RYR1: variants seen among roughly 807,000 people sequenced by gnomAD.
RYR1 encodes central core disease of muscle.
Under a neutral mutation model 583.5 loss-of-function variants are expected in RYR1, and 342 were observed. The ratio of observed to expected loss-of-function variants is 0.59; its 90% confidence interval spans 0.54 to 0.64. The LOEUF (loss-of-function observed/expected upper bound fraction) is 0.64, where lower values mean the gene tolerates loss of function less well. Among genes scored for constraint, RYR1 ranks in the 30% least tolerant of loss-of-function variants. The pLI, the probability that RYR1 is intolerant of heterozygous loss-of-function variation, is 0.00. For synonymous variants in RYR1, 2,791 were observed against 2,822.5 expected, an observed-to-expected ratio of 0.99 and a Z score of 0.35; for missense variants, 6,032 against 6,917.2, an observed-to-expected ratio of 0.87 and a Z score of 4.54.
chr19:38,526,028 T>C (rs1352987214), intron 71 of RYR1, among the ~76,000 whole-genome samples: 3 of 151,798 alleles, frequency 2.0e-5, no homozygotes, highest in Non-Finnish European at 2.9e-5. Context: ...CTGGGCCCTG[T>C]TGAAGCCCAA....
chr19:38,492,959 A>T (rs1490708082), intron 38 of RYR1, among the ~76,000 whole-genome samples: 1 of 152,110 alleles, frequency 6.6e-6, no homozygotes, highest in Non-Finnish European at 1.5e-5. Context: ...AATCCCAGCT[A>T]CTTGGAGACT....
chr19:38,580,167 G>A, intron 100 of RYR1, 39 bp downstream of exon 100: 2 of 1,613,638 alleles, frequency 1.2e-6, no homozygotes, highest in Non-Finnish European at 1.7e-6. Flanking sequence ...GGGCCAGCAG[G>A]GACCAGCGTG....
intron 63 of RYR1, 61 bp from the exon 64 acceptor site, chr19:38,514,965 T>C: frequency 8.9e-7 from 1 of 1,121,576 alleles, no homozygotes; most frequent in East Asian, 2.4e-5. Flanking sequence ...ACAAGGGAGG[T>C]GGGGTGGGGA....
At position 38,500,047 on chromosome 19, in the gene RYR1, G is replaced by A. The variant is rs776736245; in HGVS notation, c.7323+31G>A. On this transcript the variant is annotated intron_variant, in intron 45 of 105. Transcript: ENST00000359596. The surrounding 1 kb of genome is among the most constrained non-coding windows in gnomAD (Gnocchi z 5.9). ...ACCCTGAGCCAGGGCAGGATGGGAA[G>A]GGAGGGCAGGCACAGCCGCTTTGAA... The A allele has an allele frequency of 3.7e-6, 6 of 1,600,496 alleles. No individual in the cohort carries two copies. The highest frequency in any genetic ancestry group is 5.1e-6 in the Non-Finnish European group (6 of 1,168,352).
chr19:38,505,066 G>T lies in RYR1; in HGVS notation c.8295G>T (p.Lys2765Asn). Residue 2765 changes from lysine (K) to asparagine (N), a missense_variant, in exon 52 of 106, where the codon AAG (lysine) becomes AAT (asparagine). Physicochemically the swap from Lys to Asn is moderately conservative, Grantham distance 94. This residue lies in a region of RYR1 where 1,493 missense variants were observed against 1,715.5 expected (regional missense o/e 0.87). Coordinates refer to ENST00000359596, the MANE Select transcript of RYR1 (RefSeq NM_000540.3). ...INKFAEYTHE[K>N]WAFDKIQNNW... ...AGTTTGCGGAGTACACACACGAGAA[G>T]TGGGCCTTCGACAAGGTTGGCCTCA... The T allele has an allele frequency of 6.2e-7, 1 of 1,614,140 alleles. No homozygotes were observed. The highest frequency in any genetic ancestry group is 8.5e-7 in the Non-Finnish European group (1 of 1,180,022).
In RYR1 at chr19:38,512,344, G is replaced by T. The variant is rs765039553; in HGVS notation, c.9333G>T (p.Arg3111=). 1.1e-5 allele frequency: 17 copies of T among 1,614,074 alleles called. No homozygotes were observed. The highest frequency in any genetic ancestry group is 1.4e-5 in the Non-Finnish European group (16 of 1,180,054). ...EDIEKMVENL[R]LGKVSQARTQ... is the part of the protein sequence containing the mutation. ...TCGAGAAGATGGTGGAGAACCTGCG[G>T]CTGGGCAAGGTGTCGCAGGCGCGCA... Residue 3111 remains arginine, a synonymous_variant, in exon 63 of 106, where the codon CGG becomes CGT. Transcript: ENST00000359596. The surrounding 1 kb of genome is among the most constrained non-coding windows in gnomAD (Gnocchi z 5.1).
At position 38,486,216 on chromosome 19, in the gene RYR1, C is replaced by T. The variant is rs1230015410; in HGVS notation, c.5547+14C>T. On this transcript the variant is annotated intron_variant, in intron 34 of 105. Transcript: ENST00000359596. ...TCCACCCTGCTGGTAATGGCTTCCT[C>T]CTGCTTTCCTCTGTCCCATTCTTCT... 1.2e-6 allele frequency: 2 copies of T among 1,612,740 alleles called. No individual in the cohort carries two copies. Among genetic ancestry groups the T allele is most frequent in the South Asian group, 2.2e-5 (2 of 91,090 alleles).
chr19:38,578,859 C>A (rs1974073054), intron 99 of RYR1, among the ~76,000 whole-genome samples: 1 of 152,182 alleles, frequency 6.6e-6, no homozygotes, highest in Non-Finnish European at 1.5e-5. Flanking sequence ...GGCCTATAAT[C>A]CCAGCACTTT....
At chr19:38,458,407 T>G in intron 18 of RYR1, 115 bp downstream of exon 18, 5 of 1,085,670 alleles carry the variant, frequency 4.6e-6, no homozygotes, top group Non-Finnish European at 5.5e-6. Flanking sequence ...AAGGTCAACT[T>G]TTGACCTTTT....
chr19:38,580,571 ACCTCCAGGCCGGGCGTGGTG>A, intron 101 of RYR1, 67 bp downstream of exon 101: 1 of 1,599,754 alleles, frequency 6.3e-7, no homozygotes, highest in African/African-American at 1.3e-5. Context: ...TAATAATGGT[ACCTCCAGGCCGGGCGTGGTG>A]CCTCCAGCCT....
rs543163234 is a variant in RYR1 at position 38,512,918 on chromosome 19, A to G, written c.9472+435A>G. ...TTGAGTCCAAGAGTTGGAGGCTGCA[A>G]TGAGCTATGATCATACCACTGCACT... is the stretch of plus-strand genomic sequence containing the variant. On this transcript the variant is annotated intron_variant, in intron 63 of 105. Coordinates refer to ENST00000359596, the MANE Select transcript of RYR1 (RefSeq NM_000540.3). This position sits in a 1 kb window ranked among gnomAD's most constrained non-coding sequence, Gnocchi z 5.1. 3.9e-5 allele frequency among the ~76,000 whole-genome samples: 6 copies of G among 152,240 alleles called. No homozygotes were observed. The highest frequency in any genetic ancestry group is 9.6e-5 in the African/African-American group (4 of 41,564).
At chr19:38,481,529 C>T (rs1969009730) in intron 31 of RYR1, among the ~76,000 whole-genome samples, 1 of 152,050 alleles carries the variant, frequency 6.6e-6, no homozygotes, top group Non-Finnish European at 1.5e-5. Flanking sequence ...TCTTCTTTCC[C>T]AACCCCCCAG....
At chr19:38,580,605 A>G in intron 101 of RYR1, 101 bp downstream of exon 101, 1 of 1,465,976 alleles carries the variant, frequency 6.8e-7, no homozygotes. Context: ...CCAGCCTGCA[A>G]TCCCAGTGCG....
chr19:38,555,846 G>A (rs1338986197), intron 89 of RYR1, among the ~76,000 whole-genome samples: 3 of 152,000 alleles, frequency 2.0e-5, no homozygotes, highest in African/African-American at 4.8e-5. Context: ...TACAATATGA[G>A]CAATATGTAT....
intron 47 of RYR1, 52 bp from the exon 48 acceptor site, chr19:38,502,455 G>C: frequency 1.3e-6 from 2 of 1,533,824 alleles, no homozygotes; most frequent in Non-Finnish European, 1.8e-6. Flanking sequence ...ACAGGTGCCA[G>C]AGCAGCCCCA....
chr19:38,573,703 A>C (rs1973831298), intron 96 of RYR1, among the ~76,000 whole-genome samples: 1 of 151,836 alleles, frequency 6.6e-6, no homozygotes. Flanking sequence ...CAAAAAAAAA[A>C]AAACCTAGGG....
Position 38,468,974 on chromosome 19 carries a change from C to A in RYR1, c.3390C>A (p.Arg1130=). The change falls in exon 26 of 106, where the codon CGC becomes CGA. Residue 1130 remains arginine (R), a synonymous_variant. Transcript: ENST00000359596. The stretch of plus-strand genomic sequence containing the variant: ...TCTGGCTGTCCTCACAGGGCCAGCG[C>A]TGGCACTTGGGCAGTGAACCATTTG... ...AYVFNGHRGQ[R]WHLGSEPFGR... 1 of 1,614,144 alleles carries A rather than the reference C, an allele frequency of 6.2e-7. No individual in the cohort carries two copies.
chr19:38,515,583 C>T (rs1342766331), intron 64 of RYR1, among the ~76,000 whole-genome samples: 1 of 152,098 alleles, frequency 6.6e-6, no homozygotes, highest in Non-Finnish European at 1.5e-5. Flanking sequence ...CACTTGAGCT[C>T]AGGAGTTTGA....
chr19:38,460,398 G>A lies in RYR1; in HGVS notation c.2384G>A (p.Arg795His), dbSNP rs201635585. Residue 795 changes from arginine to histidine, a missense_variant, in exon 20 of 106, where the codon CGC (arginine) becomes CAC (histidine). By Grantham distance (29) the Arg-to-His change is conservative. Around this residue, in one of 11 missense-constraint regions of RYR1, gnomAD observed 2,627 missense variants for 2,961.3 expected, o/e 0.89. Transcript: ENST00000359596. ...GVKVRFLLGGRHGEFKFLPPP... is the reference protein window; with the variant it reads ...GVKVRFLLGGHHGEFKFLPPP... ...AGGGTGCGGTTCCTCCTTGGTGGCC[G>A]CCATGGTGAATTCAAGTTCCTGCCC... 17 of 1,614,060 alleles carry A rather than the reference G, an allele frequency of 1.1e-5. No homozygotes were observed. The highest frequency in any genetic ancestry group is 2.2e-5 in the East Asian group (1 of 44,868).
Sources: allele counts gnomAD v4.1 joint callset (sites outside exome capture counted in the v4.1 genomes callset), GRCh38; gene constraint gnomAD v4.1.1; regional missense constraint gnomAD v4.1.1; non-coding constraint Gnocchi (gnomAD v3.1); transcripts MANE v1.5; gene names NCBI Gene and HGNC (gene_info 2026-07-23, HGNC 2026-07-21).